Variants in EPB41L3 observed in about 807,000 individuals in gnomAD.
The protein encoded by EPB41L3 is band 4.1-like protein 3.
A neutral mutation model predicts 127.1 loss-of-function variants in EPB41L3; 57 were observed. The observed-to-expected ratio is 0.45, with a 90% CI of 0.36 to 0.56. The LOEUF (loss-of-function observed/expected upper bound fraction) is 0.56. Among genes scored for constraint, EPB41L3 ranks in the 20% least tolerant of loss-of-function variants. EPB41L3 has a pLI of 0.00. For missense variants in EPB41L3, 1,273 were observed against 1,372.2 expected, an observed-to-expected ratio of 0.93 and a Z score of 1.14; for synonymous variants, 572 against 549.5, an observed-to-expected ratio of 1.04 and a Z score of -0.57.
chr18:5,578,269 TA>T (rs1238008267), intron 3 of EPB41L3, among the ~76,000 whole-genome samples: 1 of 152,128 alleles, frequency 6.6e-6, no homozygotes, highest in African/African-American at 2.4e-5. Context: ...TTTTTACAGA[TA>T]AAAAAAGATC....
chr18:5,620,177 G>T lies in EPB41L3; in HGVS notation c.-467-5754C>A, dbSNP rs116443386. Among the ~76,000 whole-genome samples the T allele has an allele frequency of 8.5e-3, 1,293 of 152,164 alleles. 24 individuals carry two copies. The highest frequency in any genetic ancestry group is 0.03 in the African/African-American group (1,241 of 41,514). On this transcript the variant is annotated intron_variant, in intron 1 of 21. Coordinates refer to the EPB41L3 transcript ENST00000545076. ...TCTATGACAATGCTTCAGGATTGTA[G>T]ATTTGAAAGCTGAAGCAGCTGTAAC... is the stretch of plus-strand genomic sequence containing the variant.
chr18:5,528,242 C>T (rs2093298196), intron 1 of EPB41L3, among the ~76,000 whole-genome samples: 1 of 152,132 alleles, frequency 6.6e-6, no homozygotes, highest in Non-Finnish European at 1.5e-5. Flanking sequence ...AATCATAGCT[C>T]ACTGCAGCCT....
chr18:5,458,208 T>C (rs1235507936), intron 3 of EPB41L3, among the ~76,000 whole-genome samples: 3 of 152,226 alleles, frequency 2.0e-5, no homozygotes, highest in African/African-American at 7.2e-5. Context: ...GTTGAATTTT[T>C]ACCCCCATTC....
At chr18:5,517,226 G>A (rs146094387) in intron 1 of EPB41L3, among the ~76,000 whole-genome samples, 33 of 152,204 alleles carry the variant, frequency 2.2e-4, no homozygotes, top group African/African-American at 7.5e-4. Flanking sequence ...GTCTGACAGG[G>A]TGAGGGATCA....
chr18:5,510,664 G>A (rs966272087), intron 1 of EPB41L3, among the ~76,000 whole-genome samples: 6 of 152,134 alleles, frequency 3.9e-5, no homozygotes, highest in African/African-American at 9.7e-5. Flanking sequence ...GAACGTCTGC[G>A]GCACTGTGTA....
At chr18:5,534,663 G>C (rs992804965) in intron 1 of EPB41L3, among the ~76,000 whole-genome samples, 1 of 152,050 alleles carries the variant, frequency 6.6e-6, no homozygotes, top group African/African-American at 2.4e-5. Flanking sequence ...TCATCCTGAG[G>C]GTCATCTTTG....
chr18:5,595,788 C>T (rs369088951), intron 3 of EPB41L3, among the ~76,000 whole-genome samples: 133 of 152,140 alleles, frequency 8.7e-4, no homozygotes, highest in African/African-American at 3.1e-3. Context: ...CTTAACTGTC[C>T]ACCAAAAAAT....
At chr18:5,433,773 G>C (rs1022320615) in intron 7 of EPB41L3, 130 bp downstream of exon 7, 12 of 1,068,680 alleles carry the variant, frequency 1.1e-5, no homozygotes, top group Non-Finnish European at 1.7e-5. Flanking sequence ...GAATTTTACT[G>C]TGCATGGACC....
In EPB41L3 at chr18:5,433,517, T is replaced by G; in HGVS notation, c.864A>C (p.Glu288Asp). The G allele has an allele frequency of 6.2e-7, 1 of 1,613,678 alleles. No homozygotes were observed. ...TPAEAEMHFL[E>D]NAKKLSMYGV... ...CATACATTGATAATTTTTTGGCATT[T>G]TCCAAGAAATGCATCTCTGCTTCTG... The change falls in exon 8 of 23, where the codon GAA becomes GAC. Residue 288 changes from glutamate (E) to aspartate (D), a missense_variant. This residue lies in a region of EPB41L3 where 326 missense variants were observed against 440.2 expected (regional missense o/e 0.74). Coordinates refer to ENST00000341928, the MANE Select transcript of EPB41L3 (RefSeq NM_012307.5).
chr18:5,630,345 CGCCCGGCT>C (rs1568676983), upstream of EPB41L3: 1 of 517,358 alleles, frequency 1.9e-6, no homozygotes. Flanking sequence ...TCCCGGCCTA[CGCCCGGCT>C]GCCAAGAAGA....
chr18:5,492,264 G>A (rs565683915), intron 1 of EPB41L3, among the ~76,000 whole-genome samples: 65 of 152,176 alleles, frequency 4.3e-4, no homozygotes, highest in African/African-American at 1.5e-3. Context: ...AATTTGCAGT[G>A]AGCCGAGATT....
intron 3 of EPB41L3, among the ~76,000 whole-genome samples, chr18:5,447,369 T>A (rs2081620148): frequency 6.6e-6 from 1 of 151,130 alleles, no homozygotes; most frequent in Non-Finnish European, 1.5e-5. Flanking sequence ...GTGGTGCCAA[T>A]AAGCAGCTTT....
chr18:5,434,645 T>G (rs548611506), intron 6 of EPB41L3, among the ~76,000 whole-genome samples: 3 of 152,342 alleles, frequency 2.0e-5, no homozygotes, highest in South Asian at 4.1e-4. Context: ...CTTAATGTCA[T>G]AGCCTAACAC....
chr18:5,394,942 T>C (rs2073097672), intron 21 of EPB41L3, 125 bp downstream of exon 21: 1 of 1,223,152 alleles, frequency 8.2e-7, no homozygotes, highest in East Asian at 2.3e-5. Context: ...AATCATATAT[T>C]GGAAAGTTAA....
chr18:5,591,027 T>C (rs1268295083), intron 3 of EPB41L3, among the ~76,000 whole-genome samples: 2 of 152,102 alleles, frequency 1.3e-5, no homozygotes, highest in Non-Finnish European at 1.5e-5. Flanking sequence ...AGTACAGACA[T>C]GAAGATCAAA....
chr18:5,394,697 C>A lies in EPB41L3; in HGVS notation c.3250G>T (p.Asp1084Tyr). Residue 1084 changes from aspartate to tyrosine, a missense_variant, in exon 22 of 23, where the codon GAT (aspartate) becomes TAT (tyrosine). Physicochemically the swap from Asp to Tyr is radical, Grantham distance 160. Around this residue, in one of 3 missense-constraint regions of EPB41L3, gnomAD observed 765 missense variants for 782.9 expected, o/e 0.98. Transcript: ENST00000341928. ...VHKETEITPE[D>Y]GED ...CTTACCTCTGGTCAATCCTCTCCAT[C>A]TTCTGGTGTGATCTCTGTCTCTTTA... The A allele has an allele frequency of 6.2e-7, 1 of 1,614,120 alleles. No homozygotes were observed. The highest frequency in any genetic ancestry group is 1.1e-5 in the South Asian group (1 of 91,078).
chr18:5,528,731 G>A (rs1202889099), intron 1 of EPB41L3, among the ~76,000 whole-genome samples: 1 of 152,010 alleles, frequency 6.6e-6, no homozygotes, highest in Non-Finnish European at 1.5e-5. Flanking sequence ...CCAAGTAGCT[G>A]GGATTACAGG....
chr18:5,490,996 G>A (rs914570342), intron 1 of EPB41L3, among the ~76,000 whole-genome samples: 1 of 152,182 alleles, frequency 6.6e-6, no homozygotes, highest in Non-Finnish European at 1.5e-5. Context: ...TATGCTCTCT[G>A]GAATCCATTT....
In EPB41L3 at chr18:5,397,944, C is replaced by T. The variant is rs2073852604; in HGVS notation, c.2472+77G>A. On this transcript the variant is annotated intron_variant, in intron 17 of 22. Transcript: ENST00000341928. The surrounding 1 kb of genome is among the most constrained non-coding windows in gnomAD (Gnocchi z 4.1). ...GCAAAGCCAGCTGGATGCAACCACACACTCACGCCCAAAAAAAGGGTAAGG... is the reference window on the plus strand; with the variant it reads ...GCAAAGCCAGCTGGATGCAACCACATACTCACGCCCAAAAAAAGGGTAAGG... The T allele has an allele frequency of 1.3e-6, 2 of 1,581,498 alleles. No individual in the cohort carries two copies.
Sources: allele counts gnomAD v4.1 joint callset (sites outside exome capture counted in the v4.1 genomes callset), GRCh38; gene constraint gnomAD v4.1.1; regional missense constraint gnomAD v4.1.1; non-coding constraint Gnocchi (gnomAD v3.1); transcripts MANE v1.5; gene names NCBI Gene and HGNC (gene_info 2026-07-23, HGNC 2026-07-21).